Variants in MSI2 observed in about 807,000 individuals in gnomAD.
MSI2 encodes musashi RNA binding protein 2.
In MSI2, 17 loss-of-function variants were observed where a neutral mutation model predicts 45.6. The observed-to-expected ratio is 0.37, with a 90% CI of 0.26 to 0.56. The LOEUF (loss-of-function observed/expected upper bound fraction) is 0.56. MSI2 is among the 20% of genes least tolerant of loss of function. The pLI is 0.77. For synonymous variants in MSI2, 156 were observed against 158.2 expected (o/e 0.99, Z 0.11); for missense variants, 293 against 444.2 (o/e 0.66, Z 3.06).
intron 6 of MSI2, among the ~76,000 whole-genome samples, chr17:57,454,818 G>A (rs1008497262): frequency 5.3e-5 from 8 of 152,150 alleles, no homozygotes; most frequent in Admixed American, 1.3e-4. Context: ...TCCATGTGGC[G>A]CTTGAGCTCT....
intron 5 of MSI2, among the ~76,000 whole-genome samples, chr17:57,385,748 A>G (rs913460422): frequency 6.6e-6 from 1 of 152,236 alleles, no homozygotes; most frequent in Admixed American, 6.5e-5. Context: ...CTCTACTGAC[A>G]TAGTTCATCA....
intron 10 of MSI2, chr17:57,632,505 GC>G: frequency 4.7e-6 from 5 of 1,066,674 alleles, no homozygotes; most frequent in Non-Finnish European, 4.5e-6. Context: ...TCCACAGTGG[GC>G]CCCGCCTTCC....
chr17:57,427,093 G>C (rs2084506908), intron 6 of MSI2, among the ~76,000 whole-genome samples: 1 of 152,166 alleles, frequency 6.6e-6, no homozygotes, highest in Non-Finnish European at 1.5e-5. Context: ...TCCTAGTTGG[G>C]ACTGGCATGA....
intron 5 of MSI2, among the ~76,000 whole-genome samples, chr17:57,395,348 C>T (rs2083869617): frequency 2.0e-5 from 3 of 152,174 alleles, no homozygotes; most frequent in African/African-American, 7.2e-5. Context: ...GTCTCTTTTC[C>T]ACATGTGATC....
intron 7 of MSI2, among the ~76,000 whole-genome samples, chr17:57,577,729 G>T (rs762377660): frequency 6.6e-6 from 1 of 152,164 alleles, no homozygotes; most frequent in Non-Finnish European, 1.5e-5. Flanking sequence ...ATGAAAAAAG[G>T]TTATAACTTA....
At chr17:57,587,991 G>A (rs1310880434) in intron 7 of MSI2, among the ~76,000 whole-genome samples, 2 of 152,140 alleles carry the variant, frequency 1.3e-5, no homozygotes, top group Non-Finnish European at 2.9e-5. Context: ...GGAAGCAGGT[G>A]CATGAAGGAT....
At chr17:57,338,413 G>C (rs905345011) in intron 5 of MSI2, among the ~76,000 whole-genome samples, 1 of 152,230 alleles carries the variant, frequency 6.6e-6, no homozygotes, top group Non-Finnish European at 1.5e-5. Context: ...TTTTGAGACA[G>C]TCTTGCTCTG....
Position 57,652,160 on chromosome 17 carries a change from A to T in MSI2, c.789A>T (p.Ser263=), listed in dbSNP as rs1339839643. The change falls in exon 11 of 14, where the codon TCA becomes TCT. Residue 263 remains serine (S), a splice_region_variant and synonymous_variant. Transcript: ENST00000284073. This position sits in a 1 kb window ranked among gnomAD's most constrained non-coding sequence, Gnocchi z 4.1. The stretch of plus-strand genomic sequence containing the variant: ...CGGCGGTGGCGGCAGCAAGAGGATC[A>T]GGTAGGAAGGTGTATGGGACAGGCG... The part of the protein sequence containing the change: ...AAAAVAAARG[S]GSNPARPGGF... 1 of 1,613,810 alleles carries T rather than the reference A, an allele frequency of 6.2e-7. No homozygotes were observed. Among genetic ancestry groups the T allele is most frequent in the East Asian group, 2.2e-5 (1 of 44,868 alleles).
At chr17:57,640,312 G>A (rs1337658874) in intron 10 of MSI2, among the ~76,000 whole-genome samples, 1 of 152,162 alleles carries the variant, frequency 6.6e-6, no homozygotes, top group Non-Finnish European at 1.5e-5. Flanking sequence ...AGTTAAGCTC[G>A]CACTTCAGAT....
intron 5 of MSI2, among the ~76,000 whole-genome samples, chr17:57,387,264 G>A (rs1021930745): frequency 6.6e-6 from 1 of 152,196 alleles, no homozygotes; most frequent in African/African-American, 2.4e-5. Flanking sequence ...TACACATTTA[G>A]TAAAGTTCCT....
At chr17:57,410,995 A>G (rs886219096) in intron 6 of MSI2, among the ~76,000 whole-genome samples, 6 of 152,060 alleles carry the variant, frequency 3.9e-5, no homozygotes, top group Non-Finnish European at 8.8e-5. Context: ...TTATTTGTTT[A>G]TTTATTTTAT....
rs545345369 is a variant in MSI2, at chr17:57,416,649, T to C, written c.405+15178T>C. 4.6e-5 allele frequency among the ~76,000 whole-genome samples: 7 copies of C among 152,292 alleles called. No homozygotes were observed. In the East Asian group the frequency reaches 1.4e-3, roughly 29 times the overall value. ...AGCGTCTCAGTTTGTTGTTGCCCTT[T>C]TTGGGGGTGCTTATGCTGGTTTCTC... On this transcript the variant is annotated intron_variant, in intron 6 of 13. Coordinates refer to ENST00000284073, the MANE Select transcript of MSI2 (RefSeq NM_138962.4).
intron 5 of MSI2, among the ~76,000 whole-genome samples, chr17:57,287,010 C>T (rs1909954457): frequency 6.6e-6 from 1 of 151,712 alleles, no homozygotes; most frequent in African/African-American, 2.4e-5. Context: ...GCTCGCGCCG[C>T]AGAGAGTTTT....
intron 7 of MSI2, among the ~76,000 whole-genome samples, chr17:57,572,690 T>G (rs2087909513): frequency 6.6e-6 from 1 of 152,088 alleles, no homozygotes; most frequent in Non-Finnish European, 1.5e-5. Context: ...AGCCCTCCTT[T>G]CCCCAGAGCT....
intron 6 of MSI2, among the ~76,000 whole-genome samples, chr17:57,518,554 G>C (rs1005702211): frequency 1.3e-5 from 2 of 152,156 alleles, no homozygotes; most frequent in Non-Finnish European, 2.9e-5. Context: ...ATCCATTTTG[G>C]CAATTAGCAG....
At position 57,652,202 on chromosome 17, in the gene MSI2, C is replaced by G. The variant is rs1170893936; in HGVS notation, c.790+41C>G. The G allele has an allele frequency of 6.3e-7, 1 of 1,591,690 alleles. No homozygotes were observed. Among genetic ancestry groups the G allele is most frequent in the East Asian group, 2.2e-5 (1 of 44,714 alleles). ...GGACAGGCGACTCCCAGGCATGCCC[C>G]CAGTGTGCAGGGGGAGGTCAAGGCC... On this transcript the variant is annotated intron_variant, in intron 11 of 13. Coordinates refer to ENST00000284073, the MANE Select transcript of MSI2 (RefSeq NM_138962.4). This position sits in a 1 kb window ranked among gnomAD's most constrained non-coding sequence, Gnocchi z 4.1.
At chr17:57,654,034 C>T (rs532803274) in intron 11 of MSI2, among the ~76,000 whole-genome samples, 1 of 151,868 alleles carries the variant, frequency 6.6e-6, no homozygotes, top group African/African-American at 2.4e-5. Flanking sequence ...CCATGCTCAT[C>T]GCTGCACTGT....
intron 9 of MSI2, chr17:57,626,286 G>A (rs983238829): frequency 6.6e-6 from 1 of 152,218 alleles, no homozygotes; most frequent in Non-Finnish European, 1.5e-5. Context: ...AGTGGAGGGA[G>A]GCAGAGTGAG....
At chr17:57,458,479 T>C (rs1447562385) in intron 6 of MSI2, among the ~76,000 whole-genome samples, 1 of 152,230 alleles carries the variant, frequency 6.6e-6, no homozygotes, top group Middle Eastern at 3.2e-3. Context: ...AGTGTTACCA[T>C]GCTTTAGTCA....
Sources: allele counts gnomAD v4.1 joint callset (sites outside exome capture counted in the v4.1 genomes callset), GRCh38; gene constraint gnomAD v4.1.1; non-coding constraint Gnocchi (gnomAD v3.1); transcripts MANE v1.5; gene names NCBI Gene and HGNC (gene_info 2026-07-23, HGNC 2026-07-21).